Variants in ADGRL4 observed in about 807,000 individuals in gnomAD.
ADGRL4 encodes the protein adhesion G protein-coupled receptor L4, also known as EGF, latrophilin and seven transmembrane domain containing 1.
A neutral mutation model predicts 74.8 loss-of-function variants in ADGRL4; 90 were observed. That is an observed-to-expected ratio of 1.20 (90% CI 1.02 to 1.43). The LOEUF (loss-of-function observed/expected upper bound fraction) is 1.43, where lower values mean the gene tolerates loss of function less well. ADGRL4 is among the 40% of genes most tolerant of loss of function. The pLI, the probability that ADGRL4 is intolerant of heterozygous loss-of-function variation, is 0.00. For synonymous variants in ADGRL4, 311 were observed against 279.2 expected (o/e 1.11, Z -1.14); for missense variants, 881 against 814.3 (o/e 1.08, Z -1.00).
intron 2 of ADGRL4, among the ~76,000 whole-genome samples, chr1:78,962,546 CCT>C (rs1305650799): frequency 2.0e-5 from 3 of 152,110 alleles, no homozygotes; most frequent in Admixed American, 1.3e-4. Context: ...GCCTCTCTCC[CCT>C]GTCTCCCCCA....
intron 2 of ADGRL4, among the ~76,000 whole-genome samples, chr1:78,960,571 CT>C (rs1649929661): frequency 6.6e-6 from 1 of 152,140 alleles, no homozygotes; most frequent in South Asian, 2.1e-4. Context: ...ATTGTTTTAA[CT>C]TTTCCACTTT....
intron 7 of ADGRL4, among the ~76,000 whole-genome samples, chr1:78,929,383 T>C (rs1434340561): frequency 1.3e-5 from 2 of 151,104 alleles, no homozygotes; most frequent in African/African-American, 4.9e-5. Context: ...AGCATGGTGG[T>C]ATGTTTCTTT....
rs541401275 is a variant in ADGRL4 at position 78,978,494 on chromosome 1, C to T, written c.172+26576G>A. Reference sequence around the variant, plus strand: ...CAATAGTCAATGTTTCAGTTCTTCTCGTCCAATTCCTCAGGCTATTTTTGC... The same window carrying T: ...CAATAGTCAATGTTTCAGTTCTTCTTGTCCAATTCCTCAGGCTATTTTTGC... On this transcript the variant is annotated intron_variant, in intron 2 of 14. Transcript: ENST00000370742. Among the ~76,000 whole-genome samples the T allele has an allele frequency of 3.3e-5, 5 of 152,078 alleles. No individual in the cohort carries two copies. The East Asian group carries it at 9.7e-4, about 29-fold the overall frequency.
At chr1:78,901,346 GAA>G (rs1648513885) in intron 12 of ADGRL4, among the ~76,000 whole-genome samples, 2 of 152,254 alleles carry the variant, frequency 1.3e-5, no homozygotes, top group South Asian at 4.1e-4. Flanking sequence ...ATAATTGTTT[GAA>G]AGAGACCTCA....
Position 78,946,373 on chromosome 1 carries a change from T to C in ADGRL4, c.226A>G (p.Thr76Ala). Residue 76 changes from threonine to alanine, a missense_variant, in exon 3 of 15, where the codon ACT becomes GCT. Thr to Ala is a moderately conservative substitution (Grantham distance 58). Transcript: ENST00000370742. The stretch of plus-strand genomic sequence containing the variant: ...CAATAATAACTTCCTTCTGTGTTAG[T>C]GCAATTAGCATTTTCGCCACAGGAC... ...TQSCGENANC[T>A]NTEGSYYCMC... 7 of 1,613,200 alleles carry C rather than the reference T, an allele frequency of 4.3e-6. No individual in the cohort carries two copies. Among genetic ancestry groups the C allele is most frequent in the Non-Finnish European group, 5.9e-6 (7 of 1,179,472 alleles).
intron 2 of ADGRL4, among the ~76,000 whole-genome samples, chr1:78,962,596 C>T (rs182344212): frequency 5.3e-5 from 8 of 152,070 alleles, no homozygotes; most frequent in African/African-American, 1.9e-4. Context: ...GTTAGGATAA[C>T]ATCTTTTTCT....
At chr1:79,004,549 A>G (rs1006996942) in intron 2 of ADGRL4, among the ~76,000 whole-genome samples, 5 of 152,154 alleles carry the variant, frequency 3.3e-5, no homozygotes, top group African/African-American at 1.2e-4. Context: ...TTTTCAAAAG[A>G]TGACGTCTTT....
intron 2 of ADGRL4, among the ~76,000 whole-genome samples, chr1:78,986,568 G>A (rs774215557): frequency 2.0e-5 from 3 of 151,848 alleles, no homozygotes; most frequent in Admixed American, 6.6e-5. Flanking sequence ...CTATGGTTGA[G>A]CCACTGCACT....
chr1:78,913,981 A>T (rs1211012770), intron 12 of ADGRL4, among the ~76,000 whole-genome samples: 1 of 151,836 alleles, frequency 6.6e-6, no homozygotes, highest in African/African-American at 2.4e-5. Context: ...AATGTATTTT[A>T]AAAAGATGAT....
At chr1:79,000,839 C>G (rs369797183) in intron 2 of ADGRL4, among the ~76,000 whole-genome samples, 1 of 151,992 alleles carries the variant, frequency 6.6e-6, no homozygotes, top group Non-Finnish European at 1.5e-5. Context: ...GAAATATAAA[C>G]CTCTCTTTAA....
At chr1:78,919,597 C>T (rs917826149) in intron 10 of ADGRL4, among the ~76,000 whole-genome samples, 1 of 151,992 alleles carries the variant, frequency 6.6e-6, no homozygotes, top group African/African-American at 2.4e-5. Context: ...GCTCTCCAAG[C>T]CTCTCTCTTC....
chr1:78,971,200 C>G (rs575856945), intron 2 of ADGRL4, among the ~76,000 whole-genome samples: 1 of 152,168 alleles, frequency 6.6e-6, no homozygotes, highest in Non-Finnish European at 1.5e-5. Flanking sequence ...AACAGCACCC[C>G]CTGACAGCAG....
intron 2 of ADGRL4, among the ~76,000 whole-genome samples, chr1:78,950,887 A>G (rs1240162534): frequency 6.6e-6 from 1 of 152,160 alleles, no homozygotes; most frequent in African/African-American, 2.4e-5. Context: ...ACATTCTTGC[A>G]GGGTAAGATG....
intron 2 of ADGRL4, among the ~76,000 whole-genome samples, chr1:78,953,666 A>G (rs752962071): frequency 1.3e-5 from 2 of 152,234 alleles, no homozygotes; most frequent in African/African-American, 2.4e-5. Context: ...CAGCATTCTA[A>G]CCAAATACCA....
At chr1:78,952,768 G>A (rs1384408993) in intron 2 of ADGRL4, among the ~76,000 whole-genome samples, 1 of 151,958 alleles carries the variant, frequency 6.6e-6, no homozygotes, top group Non-Finnish European at 1.5e-5. Context: ...GTTTGTGTTG[G>A]GTATTTATTA....
intron 12 of ADGRL4, among the ~76,000 whole-genome samples, chr1:78,916,563 A>AT (rs1230482362): frequency 6.6e-6 from 1 of 151,912 alleles, no homozygotes; most frequent in Non-Finnish European, 1.5e-5. Flanking sequence ...AGAATTATAA[A>AT]TGAGTTTTTG....
intron 2 of ADGRL4, among the ~76,000 whole-genome samples, chr1:78,955,042 C>G (rs1178223219): frequency 1.3e-5 from 2 of 152,018 alleles, no homozygotes; most frequent in African/African-American, 2.4e-5. Context: ...TCAGCATGGC[C>G]AAACTAATCT....
rs374819274 is a variant in ADGRL4 at position 78,925,763 on chromosome 1, T to C, written c.1083+1123A>G. ...AGTTTTTGTTTAAATACGCGTTTTGTTTTGTGTTTTTATCAAACAAGGATT... is the reference window on the plus strand; with the variant it reads ...AGTTTTTGTTTAAATACGCGTTTTGCTTTGTGTTTTTATCAAACAAGGATT... On this transcript the variant is annotated intron_variant, in intron 8 of 14. Coordinates refer to ENST00000370742, the MANE Select transcript of ADGRL4 (RefSeq NM_022159.4). 4.1e-4 allele frequency among the ~76,000 whole-genome samples: 62 copies of C among 152,178 alleles called. No individual in the cohort carries two copies. The East Asian group carries it at 0.012, about 29-fold the overall frequency.
chr1:78,986,846 A>C (rs1275104301), intron 2 of ADGRL4, among the ~76,000 whole-genome samples: 1 of 151,800 alleles, frequency 6.6e-6, no homozygotes. Flanking sequence ...CAAAATGATC[A>C]AAAATAGTAA....
Sources: gnomAD v4.1 joint callset for allele counts (sites outside exome capture counted in the v4.1 genomes callset) on GRCh38, gnomAD v4.1.1 for gene constraint, MANE v1.5 for transcripts, NCBI Gene and HGNC (gene_info 2026-07-23, HGNC 2026-07-21) for gene names.